The following TANC2 variants were observed in gnomAD, a reference collection of about 807,000 sequenced individuals.
The protein encoded by TANC2 is tetratricopeptide repeat, ankyrin repeat and coiled-coil containing 2.
A neutral mutation model predicts 210.5 loss-of-function variants in TANC2; 26 were observed. The observed-to-expected ratio is 0.12, with a 90% CI of 0.09 to 0.17. The LOEUF is 0.17. Among genes scored for constraint, TANC2 ranks in the 10% least tolerant of loss-of-function variants. The pLI, the probability that TANC2 is intolerant of heterozygous loss-of-function variation, is 1.00. For missense variants in TANC2, 2,129 were observed against 2,608.9 expected, an observed-to-expected ratio of 0.82 and a Z score of 4.01; for synonymous variants, 931 against 967.1, an observed-to-expected ratio of 0.96 and a Z score of 0.69.
chr17:63,073,039 T>G (rs1405605097), intron 2 of TANC2, among the ~76,000 whole-genome samples: 2 of 152,066 alleles, frequency 1.3e-5, no homozygotes, highest in Non-Finnish European at 2.9e-5. Context: ...CCCTGTCAAG[T>G]TAAAAATAAG....
chr17:63,289,164 G>A (rs1302302444), intron 9 of TANC2, among the ~76,000 whole-genome samples: 1 of 152,148 alleles, frequency 6.6e-6, no homozygotes, highest in African/African-American at 2.4e-5. Context: ...AGCTTAGGGG[G>A]CATTTATTAT....
At chr17:63,151,698 T>C (rs553079245) in intron 5 of TANC2, 2 of 152,178 alleles carry the variant, frequency 1.3e-5, no homozygotes. Context: ...GCTGTGGCCA[T>C]GTGCAAACAG....
At chr17:63,138,224 C>G (rs1180621473) in intron 4 of TANC2, among the ~76,000 whole-genome samples, 4 of 152,116 alleles carry the variant, frequency 2.6e-5, no homozygotes, top group African/African-American at 4.8e-5. Context: ...ACTGTTGGAA[C>G]TACATTATAG....
At chr17:63,137,399 A>G (rs532536913) in intron 4 of TANC2, among the ~76,000 whole-genome samples, 45 of 152,340 alleles carry the variant, frequency 3.0e-4, no homozygotes, top group African/African-American at 1.1e-3. Flanking sequence ...GAGCCAATAC[A>G]CAGCTAAAGT....
chr17:63,016,329 C>T (rs2034107117), intron 2 of TANC2, among the ~76,000 whole-genome samples: 2 of 152,154 alleles, frequency 1.3e-5, no homozygotes, highest in Non-Finnish European at 1.5e-5. Flanking sequence ...GTAATCCCGG[C>T]ATTTTGGGAG....
At chr17:63,393,256 C>T (rs140842501) in intron 17 of TANC2, 56 of 152,302 alleles carry the variant, frequency 3.7e-4, no homozygotes, top group African/African-American at 1.2e-3. Flanking sequence ...AAGAATACCA[C>T]GTAAGCAATG....
chr17:63,116,870 A>C (rs1156500764), intron 4 of TANC2: 1 of 152,228 alleles, frequency 6.6e-6, no homozygotes, highest in Non-Finnish European at 1.5e-5. Flanking sequence ...GACCTATATT[A>C]GCTTGCTAAA....
intron 15 of TANC2, among the ~76,000 whole-genome samples, chr17:63,382,638 T>C (rs1297654124): frequency 6.6e-6 from 1 of 152,226 alleles, no homozygotes; most frequent in African/African-American, 2.4e-5. Flanking sequence ...AAGAAATGAA[T>C]GTAACAAATA....
chr17:63,272,278 T>C (rs933661434), intron 9 of TANC2, among the ~76,000 whole-genome samples: 1 of 152,168 alleles, frequency 6.6e-6, no homozygotes, highest in Admixed American at 6.6e-5. Context: ...GTTTGCAGTC[T>C]TATTTCCTGG....
At chr17:63,295,810 A>G (rs1264046629) in intron 9 of TANC2, among the ~76,000 whole-genome samples, 1 of 152,208 alleles carries the variant, frequency 6.6e-6, no homozygotes, top group Non-Finnish European at 1.5e-5. Context: ...ATGGCCTTAC[A>G]TCCCTATAAG....
chr17:63,406,353 T>G, intron 21 of TANC2, 76 bp downstream of exon 21: 1 of 1,583,966 alleles, frequency 6.3e-7, no homozygotes, highest in Non-Finnish European at 8.6e-7. Flanking sequence ...CAGCAATGGA[T>G]CCCAGGAGAT....
At chr17:63,315,929 G>A (rs1337357027) in intron 10 of TANC2, among the ~76,000 whole-genome samples, 1 of 152,166 alleles carries the variant, frequency 6.6e-6, no homozygotes, top group African/African-American at 2.4e-5. Context: ...TTCTTCAGAG[G>A]AATATAATGC....
At chr17:63,191,679 T>C (rs997907171) in intron 5 of TANC2, among the ~76,000 whole-genome samples, 7 of 152,048 alleles carry the variant, frequency 4.6e-5, no homozygotes, top group African/African-American at 1.7e-4. Flanking sequence ...CCCAGGCTGG[T>C]CTTGAACTCC....
chr17:63,142,771 A>C (rs2039331825), intron 4 of TANC2, among the ~76,000 whole-genome samples: 1 of 152,200 alleles, frequency 6.6e-6, no homozygotes, highest in South Asian at 2.1e-4. Flanking sequence ...AAATTAGTGA[A>C]ATTAATGGGT....
At chr17:63,059,691 T>G (rs1240630859) in intron 2 of TANC2, among the ~76,000 whole-genome samples, 1 of 152,060 alleles carries the variant, frequency 6.6e-6, no homozygotes, top group Non-Finnish European at 1.5e-5. Context: ...GTGTTTTGTT[T>G]TGTTTTTTTG....
At chr17:63,026,665 ATAAC>A (rs2034567692) in intron 2 of TANC2, among the ~76,000 whole-genome samples, 1 of 152,162 alleles carries the variant, frequency 6.6e-6, no homozygotes, top group African/African-American at 2.4e-5. Context: ...TATTGAATGA[ATAAC>A]TATTCAGAGA....
exon 14 of TANC2, chr17:63,354,865 C>T (rs772405958): frequency 1.2e-6 from 2 of 1,613,540 alleles, no homozygotes; most frequent in East Asian, 2.2e-5. Context: ...GACCTGCAGG[C>T]TTACATCCTG....
intron 5 of TANC2, among the ~76,000 whole-genome samples, chr17:63,164,129 C>CTTTTTTTTTT (rs529912657): frequency 7.9e-6 from 1 of 126,822 alleles, no homozygotes; most frequent in Non-Finnish European, 1.7e-5. Context: ...GCATCAGCAG[C>CTTTTTTTTTT]TTTTTTTTTT....
intron 4 of TANC2, among the ~76,000 whole-genome samples, chr17:63,124,800 T>C (rs2038642801): frequency 6.6e-6 from 1 of 152,132 alleles, no homozygotes; most frequent in African/African-American, 2.4e-5. Flanking sequence ...CACTAGATTC[T>C]CACAGGAGCA....
Sources: gnomAD v4.1 joint callset for allele counts (sites outside exome capture counted in the v4.1 genomes callset) on GRCh38, gnomAD v4.1.1 for gene constraint, MANE v1.5 for transcripts, NCBI Gene and HGNC (gene_info 2026-07-23, HGNC 2026-07-21) for gene names.